ZNF512: variants seen among roughly 807,000 people sequenced by gnomAD.
ZNF512 encodes the protein zinc finger protein 512.
Under a neutral mutation model 77.5 loss-of-function variants are expected in ZNF512, and 25 were observed. The ratio of observed to expected loss-of-function variants is 0.32; its 90% CI spans 0.23 to 0.45. The LOEUF (loss-of-function observed/expected upper bound fraction) is 0.45. Among genes scored for constraint, ZNF512 ranks in the 20% least tolerant of loss-of-function variants. The pLI is 1.00. For missense variants in ZNF512, 483 were observed against 692.6 expected, an observed-to-expected ratio of 0.70 and a Z score of 3.40; for synonymous variants, 246 against 239.9, an observed-to-expected ratio of 1.03 and a Z score of -0.24.
At chr2:27,592,240 C>T (rs1174343648) in intron 2 of ZNF512, among the ~76,000 whole-genome samples, 1 of 152,200 alleles carries the variant, frequency 6.6e-6, no homozygotes, top group Non-Finnish European at 1.5e-5. Context: ...ATCTGCCTGC[C>T]TCAGCCTCCT....
chr2:27,603,945 G>C (rs1221513580), intron 9 of ZNF512, among the ~76,000 whole-genome samples: 1 of 151,066 alleles, frequency 6.6e-6, no homozygotes, highest in Admixed American at 6.6e-5. Context: ...ATATATTTTT[G>C]AGACAGACTT....
chr2:27,600,876 T>C, intron 6 of ZNF512, 61 bp downstream of exon 6: 2 of 1,581,124 alleles, frequency 1.3e-6, no homozygotes, highest in South Asian at 1.2e-5. Context: ...TAGACTTCTT[T>C]TGCTATGTTG....
At chr2:27,587,733 G>T (rs541748441) in intron 2 of ZNF512, among the ~76,000 whole-genome samples, 1 of 151,258 alleles carries the variant, frequency 6.6e-6, no homozygotes, top group Non-Finnish European at 1.5e-5. Flanking sequence ...CCAGGCTGGA[G>T]TGCAATGGTG....
At chr2:27,616,535 G>A (rs1672888201) in intron 12 of ZNF512, among the ~76,000 whole-genome samples, 1 of 152,194 alleles carries the variant, frequency 6.6e-6, no homozygotes, top group Non-Finnish European at 1.5e-5. Context: ...ATAGTCACAA[G>A]TCATTATCAA....
chr2:27,583,140 G>A lies in ZNF512; in HGVS notation c.28G>A (p.Ala10Thr). 1 of 1,614,172 alleles carries A rather than the reference G, an allele frequency of 6.2e-7. No homozygotes were observed. Among genetic ancestry groups the A allele is most frequent in the Non-Finnish European group, 8.5e-7 (1 of 1,180,024 alleles). Reference protein sequence around the residue: MSSRLGAVPATSGPTTFKQQ... With the variant: MSSRLGAVPTTSGPTTFKQQ... The stretch of plus-strand genomic sequence containing the variant: ...GTCTTCCAGACTCGGTGCTGTACCC[G>A]CCGTGAGTTTCTTGGTTTGACCGTT... Residue 10 changes from alanine (A) to threonine (T), a missense_variant and splice_region_variant, in exon 1 of 14, where the codon GCC (alanine) becomes ACC (threonine). Transcript: ENST00000355467.
intron 2 of ZNF512, among the ~76,000 whole-genome samples, chr2:27,597,575 G>T: frequency 6.6e-6 from 1 of 152,214 alleles, no homozygotes; most frequent in East Asian, 1.9e-4. Flanking sequence ...GTATCATGTT[G>T]CCTAAATAAG....
Position 27,593,147 on chromosome 2 carries a change from G to T in ZNF512, c.90-4920G>T, listed in dbSNP as rs540992447. On this transcript the variant is annotated intron_variant, in intron 2 of 13. Coordinates refer to ENST00000355467, the MANE Select transcript of ZNF512 (RefSeq NM_032434.4). Reference sequence around the variant, plus strand: ...AGGCTGAGGTAGGAAGATTGCTTGAGCCCAGGAGTTTGATACCAGCCTGGA... The same window carrying T: ...AGGCTGAGGTAGGAAGATTGCTTGATCCCAGGAGTTTGATACCAGCCTGGA... 2.6e-5 allele frequency among the ~76,000 whole-genome samples: 4 copies of T among 150,958 alleles called. No individual in the cohort carries two copies. The South Asian group carries it at 8.5e-4, about 32-fold the overall frequency.
At chr2:27,619,518 G>GT (rs1334356189) in intron 13 of ZNF512, among the ~76,000 whole-genome samples, 2 of 152,134 alleles carry the variant, frequency 1.3e-5, no homozygotes, top group African/African-American at 4.8e-5. Flanking sequence ...ATTTCACTTG[G>GT]TTTGGGGCAT....
chr2:27,586,094 G>A (rs1220391173), intron 2 of ZNF512, among the ~76,000 whole-genome samples: 3 of 152,080 alleles, frequency 2.0e-5, no homozygotes, highest in Non-Finnish European at 4.4e-5. Flanking sequence ...TTCATAAGAG[G>A]GTATATGGGT....
chr2:27,584,346 T>C (rs187140819), intron 2 of ZNF512, among the ~76,000 whole-genome samples: 9 of 152,380 alleles, frequency 5.9e-5, no homozygotes, highest in African/African-American at 2.2e-4. Context: ...TACTTGTCTG[T>C]AAGACTGGTT....
intron 2 of ZNF512, among the ~76,000 whole-genome samples, chr2:27,593,785 T>TC (rs1671711560): frequency 6.6e-6 from 1 of 151,892 alleles, no homozygotes; most frequent in African/African-American, 2.4e-5. Context: ...TTTCTTTCTT[T>TC]TTTTTTTTTT....
chr2:27,583,099 G>C lies in ZNF512; in HGVS notation c.-14G>C. On this transcript the variant is annotated 5_prime_UTR_variant, in exon 1 of 14. Transcript: ENST00000355467. ...GAGCCCTTGGGTGAAATTGTTAGGC[G>C]TGGAGAGGGAGTGATGTCTTCCAGA... is the stretch of plus-strand genomic sequence containing the variant. 6.2e-7 allele frequency: 1 copy of C among 1,614,146 alleles called. No individual in the cohort carries two copies. The highest frequency in any genetic ancestry group is 8.5e-7 in the Non-Finnish European group (1 of 1,180,032).
At chr2:27,610,542 GTGTA>G (rs1265174712) in intron 10 of ZNF512, among the ~76,000 whole-genome samples, 2 of 42,012 alleles carry the variant, frequency 4.8e-5, no homozygotes, top group Middle Eastern at 0.011. Flanking sequence ...ATATATGTGT[GTGTA>G]TATATATATA....
Position 27,608,056 on chromosome 2 carries a change from T to C in ZNF512, c.1131+17T>C. 3 of 1,537,674 alleles carry C rather than the reference T, an allele frequency of 2.0e-6. No homozygotes were observed. In the South Asian group the frequency reaches 3.9e-5, roughly 20 times the overall value. ...GATCGAAAGGTAAGGCAGAAACATG[T>C]ATCAATTTGGGAACCATTATGTCTA... On this transcript the variant is annotated intron_variant, in intron 10 of 13. Transcript: ENST00000355467.
chr2:27,586,214 T>TTGTTGTTG (rs1671317753), intron 2 of ZNF512, among the ~76,000 whole-genome samples: 1 of 149,444 alleles, frequency 6.7e-6, no homozygotes. Flanking sequence ...CCATCAAGTC[T>TTGTTGTTG]TTGTTGTTGT....
intron 13 of ZNF512, among the ~76,000 whole-genome samples, chr2:27,619,593 C>T (rs1285098698): frequency 6.6e-6 from 1 of 151,568 alleles, no homozygotes; most frequent in Non-Finnish European, 1.5e-5. Context: ...AACATCTTTA[C>T]CCTGTTTCTT....
intron 10 of ZNF512, among the ~76,000 whole-genome samples, chr2:27,614,184 T>C (rs1672786492): frequency 6.6e-6 from 1 of 152,120 alleles, no homozygotes; most frequent in African/African-American, 2.4e-5. Context: ...TTCAGATACT[T>C]CCATTGTCAA....
intron 10 of ZNF512, among the ~76,000 whole-genome samples, chr2:27,609,737 C>T (rs967854243): frequency 9.9e-5 from 15 of 152,038 alleles, no homozygotes; most frequent in Admixed American, 2.6e-4. Flanking sequence ...GACGTGGAGG[C>T]GAGTGCCCGT....
intron 2 of ZNF512, among the ~76,000 whole-genome samples, chr2:27,587,763 C>T (rs1243970616): frequency 2.0e-5 from 3 of 151,734 alleles, no homozygotes; most frequent in African/African-American, 7.3e-5. Context: ...CTCACTGCAA[C>T]CTCCGCCTCC....
Sources: gnomAD v4.1 joint callset for allele counts (sites outside exome capture counted in the v4.1 genomes callset) on GRCh38, gnomAD v4.1.1 for gene constraint, MANE v1.5 for transcripts, NCBI Gene and HGNC (gene_info 2026-07-23, HGNC 2026-07-21) for gene names.